APOL3: variants seen among roughly 807,000 people sequenced by gnomAD.
APOL3 encodes the protein apolipoprotein L3.
Under a neutral mutation model 11.6 loss-of-function variants are expected in APOL3, and 14 were observed. The ratio of observed to expected loss-of-function variants is 1.21; its 90% CI spans 0.80 to 1.89. The LOEUF is 1.89. Among genes scored for constraint, APOL3 ranks in the 40% most tolerant of loss-of-function variants. The pLI is 0.00. For missense variants in APOL3, 483 were observed against 492.1 expected, an observed-to-expected ratio of 0.98 and a Z score of 0.17; for synonymous variants, 192 against 190.6, an observed-to-expected ratio of 1.01 and a Z score of -0.06.
chr22:36,165,072 C>G (rs796406087), upstream of APOL3: 121 of 152,142 alleles, frequency 8.0e-4, no homozygotes, highest in African/African-American at 2.7e-3. Flanking sequence ...TTTACATCAT[C>G]CCCAAACTCA....
At position 36,142,627 on chromosome 22, in the gene APOL3, G is replaced by A. The variant is rs545506775; in HGVS notation, c.351-569C>T. The stretch of plus-strand genomic sequence containing the variant: ...GGGTGATGGGTTTTGGGGCTATTAC[G>A]TATCTTTTCTGCCTTCCAAAGGAAC... On this transcript the variant is annotated intron_variant, in intron 2 of 2. Transcript: ENST00000349314. 3.3e-4 allele frequency among the ~76,000 whole-genome samples: 50 copies of A among 152,214 alleles called. 2 individuals are homozygous for A. In the South Asian group the frequency reaches 9.5e-3, roughly 29 times the overall value.
At position 36,160,519 on chromosome 22, in the gene APOL3, T is replaced by A. The variant is rs112862318; in HGVS notation, c.223+150A>T. 463 of 768,046 alleles carry A rather than the reference T, an allele frequency of 6.0e-4. 1 individual carries two copies. The African/African-American group carries it at 7.2e-3, about 12-fold the overall frequency. 47.6% of individuals were successfully genotyped at this position (768,046 alleles called of 1,614,324 possible). ...GGGAGAAGTCCAGCTAAAACCTGGGTGCAAATTCAGGCTCTGCCATGGACC... is the reference window on the plus strand; with the variant it reads ...GGGAGAAGTCCAGCTAAAACCTGGGAGCAAATTCAGGCTCTGCCATGGACC... On this transcript the variant is annotated intron_variant, in intron 1 of 2. Coordinates refer to ENST00000349314, the Ensembl canonical transcript of APOL3.
chr22:36,157,540 G>A (rs1200120991), intron 1 of APOL3, among the ~76,000 whole-genome samples: 2 of 152,184 alleles, frequency 1.3e-5, no homozygotes, highest in Non-Finnish European at 2.9e-5. Context: ...GTTGAGTTGG[G>A]AAGACCTTTC....
At chr22:36,141,893 G>C in exon 3 of APOL3, 1 of 1,614,188 alleles carries the variant, frequency 6.2e-7, no homozygotes, top group Non-Finnish European at 8.5e-7. Flanking sequence ...CATTTGCAAG[G>C]GCACGAAGCT....
intron 1 of APOL3, among the ~76,000 whole-genome samples, chr22:36,148,509 C>T (rs900088323): frequency 5.3e-5 from 8 of 152,210 alleles, no homozygotes; most frequent in Non-Finnish European, 8.8e-5. Context: ...ACAGAGAAGA[C>T]GTGGCAAAGG....
chr22:36,148,450 A>G (rs1324501542), intron 1 of APOL3, among the ~76,000 whole-genome samples: 1 of 152,238 alleles, frequency 6.6e-6, no homozygotes, highest in Non-Finnish European at 1.5e-5. Flanking sequence ...ACATGGGGAA[A>G]TATTATACTC....
At chr22:36,148,327 C>A (rs2060293893) in intron 1 of APOL3, among the ~76,000 whole-genome samples, 1 of 152,214 alleles carries the variant, frequency 6.6e-6, no homozygotes, top group African/African-American at 2.4e-5. Context: ...GGGCTTCCAC[C>A]TGGAATCAAC....
In APOL3 at chr22:36,141,884, AT is replaced by A; in HGVS notation, c.524del (p.Asn175MetfsTer50). 6.2e-7 allele frequency: 1 copy of A among 1,614,140 alleles called. No individual in the cohort carries two copies. Among genetic ancestry groups the A allele is most frequent in the South Asian group, 1.1e-5 (1 of 91,076 alleles). On this transcript the variant is annotated frameshift_variant, in exon 3 of 3. Transcript: ENST00000349314. LOFTEE classifies it low-confidence loss of function (END_TRUNC). ...AGCCTCTGTGGACCTCTTCAATACC[AT>A]TTGCAAGGGCACGAAGCTTTTCTAT...
At chr22:36,156,748 C>T in intron 1 of APOL3, 1 of 324,744 alleles carries the variant, frequency 3.1e-6, no homozygotes, top group East Asian at 7.5e-5. Context: ...GGCAGCTCTA[C>T]CTCTGTGTGG....
chr22:36,154,076 G>A (rs947503044), intron 1 of APOL3, among the ~76,000 whole-genome samples: 2 of 152,194 alleles, frequency 1.3e-5, no homozygotes, highest in Non-Finnish European at 1.5e-5. Flanking sequence ...TCAGCTAGCA[G>A]GCTTCACAGA....
intron 2 of APOL3, among the ~76,000 whole-genome samples, chr22:36,144,900 A>G (rs1360144487): frequency 6.6e-6 from 1 of 151,416 alleles, no homozygotes; most frequent in Non-Finnish European, 1.5e-5. Context: ...AGTCCCAGCT[A>G]CTTGGGAGGC....
intron 1 of APOL3, 96 bp downstream of exon 1, chr22:36,160,573 C>A: frequency 2.3e-6 from 3 of 1,328,072 alleles, no homozygotes; most frequent in Non-Finnish European, 3.2e-6. Flanking sequence ...GTTACCTAAC[C>A]TCTCTGAGCT....
intron 1 of APOL3, among the ~76,000 whole-genome samples, chr22:36,158,552 G>A (rs963477610): frequency 6.6e-6 from 1 of 152,182 alleles, no homozygotes; most frequent in African/African-American, 2.4e-5. Context: ...TGGCACGGTG[G>A]CTCATGCCTG....
At chr22:36,146,836 A>T (rs1481656652) in intron 1 of APOL3, among the ~76,000 whole-genome samples, 1 of 152,152 alleles carries the variant, frequency 6.6e-6, no homozygotes, top group Non-Finnish European at 1.5e-5. Flanking sequence ...TACTGCCCAG[A>T]TGAGTTGCCC....
chr22:36,161,326 C>T (rs531518241), upstream of APOL3, among the ~76,000 whole-genome samples: 1 of 152,140 alleles, frequency 6.6e-6, no homozygotes, highest in Non-Finnish European at 1.5e-5. Flanking sequence ...GCTGGGACTA[C>T]AAGCATGAGC....
Position 36,160,826 on chromosome 22 carries a change from G to A in APOL3, c.66C>T (p.Cys22=), listed in dbSNP as rs145828103. The change falls in exon 1 of 3, where the codon TGC becomes TGT. Residue 22 remains cysteine, a synonymous_variant. Transcript: ENST00000349314. ...AAGGGAAAGTGAAAGTCACAACTTGGCAGCAGCTCCTGATCAAACATGCAA... is the reference window on the plus strand; with the variant it reads ...AAGGGAAAGTGAAAGTCACAACTTGACAGCAGCTCCTGATCAAACATGCAA... 186 of 1,611,314 alleles carry A rather than the reference G, an allele frequency of 1.2e-4. No homozygotes were observed. The highest frequency in any genetic ancestry group is 2.1e-5 in the Non-Finnish European group (25 of 1,177,546).
At chr22:36,142,860 C>T (rs1188616266) in intron 2 of APOL3, among the ~76,000 whole-genome samples, 1 of 152,188 alleles carries the variant, frequency 6.6e-6, no homozygotes, top group East Asian at 1.9e-4. Context: ...GCTTGCTGGG[C>T]CTGTACTGCC....
At chr22:36,153,534 C>T (rs2012180765) in intron 1 of APOL3, 1 of 399,252 alleles carries the variant, frequency 2.5e-6, no homozygotes, top group South Asian at 1.8e-5. Context: ...GGCACCTTGC[C>T]ACTCAACATA....
At chr22:36,156,030 G>A in intron 1 of APOL3, 1 of 267,656 alleles carries the variant, frequency 3.7e-6, no homozygotes, top group Non-Finnish European at 7.7e-6. Context: ...TGGCTGTGGG[G>A]CCTCCTCCTT....
Sources: gnomAD v4.1 joint callset for allele counts (sites outside exome capture counted in the v4.1 genomes callset) on GRCh38, gnomAD v4.1.1 for gene constraint, MANE v1.5 for transcripts, NCBI Gene and HGNC (gene_info 2026-07-23, HGNC 2026-07-21) for gene names.